FBLN1: variants seen among roughly 807,000 people sequenced by gnomAD.
FBLN1 encodes fibulin-1.
A neutral mutation model predicts 89.7 loss-of-function variants in FBLN1; 34 were observed. The observed-to-expected ratio is 0.38, with a 90% CI of 0.29 to 0.50. FBLN1 has a LOEUF of 0.50. Ranked by LOEUF, FBLN1 falls within the 20% of genes least tolerant of loss-of-function variation. The pLI is 0.92. For synonymous variants in FBLN1, 393 were observed against 391.3 expected, an observed-to-expected ratio of 1.00 and a Z score of -0.05; for missense variants, 777 against 988.1, an observed-to-expected ratio of 0.79 and a Z score of 2.86.
chr22:45,542,111 C>G, intron 9 of FBLN1, 44 bp from the exon 10 acceptor site: 1 of 1,613,842 alleles, frequency 6.2e-7, no homozygotes, highest in Non-Finnish European at 8.5e-7. Flanking sequence ...GGGAAAAAAC[C>G]CAAACTAAAG....
chr22:45,542,049 T>C (rs2146981080), intron 9 of FBLN1, 106 bp from the exon 10 acceptor site: 1 of 1,532,552 alleles, frequency 6.5e-7, no homozygotes. Context: ...ATGGAATGCC[T>C]GTTTCCATGT....
Position 45,532,936 on chromosome 22 carries a change from C to A in FBLN1, c.545-127C>A. 1.2e-6 allele frequency: 1 copy of A among 815,552 alleles called. No homozygotes were observed. Among genetic ancestry groups the A allele is most frequent in the Non-Finnish European group, 2.0e-6 (1 of 493,300 alleles). 50.5% of individuals were successfully genotyped at this position (815,552 alleles called of 1,614,324 possible). A position where few individuals can be genotyped will look rare whatever the true frequency, so the allele number is the denominator to read the frequency against. ...AGTAGGGCAGCAGGTGGGCTCCAGC[C>A]AGGTCAGCCTGCCTTCCTGGGTTCG... On this transcript the variant is annotated intron_variant, in intron 5 of 16. Coordinates refer to ENST00000327858, the MANE Select transcript of FBLN1 (RefSeq NM_006486.3). The surrounding 1 kb of genome is among the most constrained non-coding windows in gnomAD (Gnocchi z 4.2).
At chr22:45,506,636 A>G (rs541583146) in intron 1 of FBLN1, among the ~76,000 whole-genome samples, 2 of 152,172 alleles carry the variant, frequency 1.3e-5, no homozygotes, top group Non-Finnish European at 2.9e-5. Flanking sequence ...TGTTCCTGGC[A>G]GGGGAAATGG....
chr22:45,582,362 C>G (rs146165428), intron 16 of FBLN1, among the ~76,000 whole-genome samples: 1 of 152,310 alleles, frequency 6.6e-6, no homozygotes, highest in African/African-American at 2.4e-5. Flanking sequence ...CTGGGCCAGC[C>G]CCTGATGAGG....
chr22:45,574,464 G>A lies in FBLN1; in HGVS notation c.1698-47G>A. 1.2e-6 allele frequency: 2 copies of A among 1,612,452 alleles called. No individual in the cohort carries two copies. On this transcript the variant is annotated intron_variant, in intron 14 of 16. Transcript: ENST00000327858. This position sits in a 1 kb window ranked among gnomAD's most constrained non-coding sequence, Gnocchi z 4.1. ...CTAGACCTCGGCCCCTGTGGGAGCT[G>A]CTGTCCCAGCTTCCCCGTCAGCCTC...
chr22:45,539,360 C>G (rs956349467), intron 8 of FBLN1, among the ~76,000 whole-genome samples: 10 of 151,640 alleles, frequency 6.6e-5, no homozygotes, highest in Admixed American at 3.3e-4. Flanking sequence ...ACAACCATGC[C>G]TGGCTAATTT....
chr22:45,503,201 A>G, intron 1 of FBLN1, 137 bp downstream of exon 1: 1 of 196,420 alleles, frequency 5.1e-6, no homozygotes. Context: ...GTCAGCGCCG[A>G]GGCCTCGGCG....
intron 16 of FBLN1, among the ~76,000 whole-genome samples, chr22:45,599,617 C>T (rs928515908): frequency 6.6e-6 from 1 of 152,114 alleles, no homozygotes; most frequent in African/African-American, 2.4e-5. Context: ...TTCTAGGCTC[C>T]CTTAAAACCT....
At position 45,545,807 on chromosome 22, in the gene FBLN1, C is replaced by T. The variant is rs2088619088; in HGVS notation, c.1322-1278C>T. Among the ~76,000 whole-genome samples, 1 of 152,138 alleles carries T rather than the reference C, an allele frequency of 6.6e-6. No homozygotes were observed. Among genetic ancestry groups the T allele is most frequent in the South Asian group, 2.1e-4 (1 of 4,824 alleles). On this transcript the variant is annotated intron_variant, in intron 11 of 16. Transcript: ENST00000327858. The surrounding 1 kb of genome is among the most constrained non-coding windows in gnomAD (Gnocchi z 5.9). ...CCAGCCACAATCTCTGTTGCAACCG[C>T]TGAACTCTGCTGTGGTAGCAGAGAA...
At chr22:45,525,876 G>T (rs114598308) in intron 3 of FBLN1, among the ~76,000 whole-genome samples, 198 bp downstream of exon 3, 3 of 152,210 alleles carry the variant, frequency 2.0e-5, no homozygotes, top group Admixed American at 1.3e-4. Context: ...CGTAAACCCC[G>T]GAGGACACCT....
chr22:45,560,508 C>T (rs907510242), intron 14 of FBLN1, among the ~76,000 whole-genome samples: 16 of 152,298 alleles, frequency 1.1e-4, no homozygotes, highest in African/African-American at 3.8e-4. Context: ...CCAGCTTGCT[C>T]ACAGTGGGCC....
At position 45,558,145 on chromosome 22, in the gene FBLN1, C is replaced by T. The variant is rs540886547; in HGVS notation, c.1697+7530C>T. The T allele has an allele frequency of 2.2e-5, 16 of 714,508 alleles. No homozygotes were observed. The Middle Eastern group carries it at 8.8e-4, about 39-fold the overall frequency. 44.3% of individuals were successfully genotyped at this position (714,508 alleles called of 1,614,324 possible). ...GAAGGCAAGTTGGCAGGAGTGGAGA[C>T]CACGGGCATTTGAGCCACTTCCTCA... On this transcript the variant is annotated intron_variant, in intron 14 of 16. Coordinates refer to ENST00000327858, the MANE Select transcript of FBLN1 (RefSeq NM_006486.3).
rs2088788071 is a variant in FBLN1 at position 45,556,350 on chromosome 22, A to T, written c.1697+5735A>T. On this transcript the variant is annotated intron_variant, in intron 14 of 16. Coordinates refer to ENST00000327858, the MANE Select transcript of FBLN1 (RefSeq NM_006486.3). The surrounding 1 kb of genome is among the most constrained non-coding windows in gnomAD (Gnocchi z 4.6). ...CGACAATTACAGTCCTCGTTTCTGCAACTGGTCACATGGCTCGTAGCTGGT... is the reference window on the plus strand; with the variant it reads ...CGACAATTACAGTCCTCGTTTCTGCTACTGGTCACATGGCTCGTAGCTGGT... 6.6e-6 allele frequency among the ~76,000 whole-genome samples: 1 copy of T among 152,212 alleles called. No homozygotes were observed. The highest frequency in any genetic ancestry group is 2.1e-4 in the South Asian group (1 of 4,830).
At chr22:45,526,402 T>A (rs1350594040) in intron 3 of FBLN1, among the ~76,000 whole-genome samples, 1 of 152,042 alleles carries the variant, frequency 6.6e-6, no homozygotes, top group African/African-American at 2.4e-5. Context: ...ACCCAAGGTG[T>A]CCAGGCCATC....
In FBLN1 at chr22:45,600,460, G is replaced by T. The variant is rs572588725; in HGVS notation, c.*14G>T. The T allele has an allele frequency of 5.2e-5, 84 of 1,614,056 alleles. 2 individuals carry two copies. The South Asian group carries it at 8.2e-4, about 16-fold the overall frequency. Reference sequence around the variant, plus strand: ...TACTGGTTCTGAGGGCTGGTCTGCCGCACAGCCGCAGGTGCACCTCCAGGC... The same window carrying T: ...TACTGGTTCTGAGGGCTGGTCTGCCTCACAGCCGCAGGTGCACCTCCAGGC... On this transcript the variant is annotated 3_prime_UTR_variant, in exon 17 of 17. Coordinates refer to ENST00000327858, the MANE Select transcript of FBLN1 (RefSeq NM_006486.3).
chr22:45,513,502 C>T lies in FBLN1; in HGVS notation c.80-5180C>T, dbSNP rs377652938. Among the ~76,000 whole-genome samples the T allele has an allele frequency of 1.6e-4, 25 of 152,208 alleles. 2 individuals carry two copies. The highest frequency in any genetic ancestry group is 4.6e-4 in the Admixed American group (7 of 15,282). ...TAGCTGGGATTACAGGCGTGAGCCACTGCGCCCGGCCCATTTTAACCATTT... is the reference window on the plus strand; with the variant it reads ...TAGCTGGGATTACAGGCGTGAGCCATTGCGCCCGGCCCATTTTAACCATTT... On this transcript the variant is annotated intron_variant, in intron 1 of 16. Coordinates refer to ENST00000327858, the MANE Select transcript of FBLN1 (RefSeq NM_006486.3).
At chr22:45,540,010 A>G (rs1468207401) in intron 8 of FBLN1, among the ~76,000 whole-genome samples, 1 of 152,100 alleles carries the variant, frequency 6.6e-6, no homozygotes, top group African/African-American at 2.4e-5. Context: ...CAACCACTCA[A>G]CTCTGCCTTT....
At position 45,550,413 on chromosome 22, in the gene FBLN1, G is replaced by GGCTCCT. The variant is rs2088686376; in HGVS notation, c.1574-79_1574-78insGCTCCT. On this transcript the variant is annotated intron_variant, in intron 13 of 16. Transcript: ENST00000327858. The surrounding 1 kb of genome is among the most constrained non-coding windows in gnomAD (Gnocchi z 8.4). ...CACCCCTAACCCTAGTTGATGGGAG[G>GGCTCCT]CCTGGGCTCCTCCGTCTCCAGATGG... 1.2e-6 allele frequency: 2 copies of GGCTCCT among 1,606,634 alleles called. No homozygotes were observed. The highest frequency in any genetic ancestry group is 2.7e-5 in the African/African-American group (2 of 74,832).
intron 3 of FBLN1, among the ~76,000 whole-genome samples, chr22:45,527,240 A>G (rs1392105018): frequency 6.6e-6 from 1 of 152,186 alleles, no homozygotes; most frequent in African/African-American, 2.4e-5. Context: ...TCTGGGACTC[A>G]GGTGTGAGGC....
Sources: allele counts gnomAD v4.1 joint callset (sites outside exome capture counted in the v4.1 genomes callset), GRCh38; gene constraint gnomAD v4.1.1; non-coding constraint Gnocchi (gnomAD v3.1); transcripts MANE v1.5; gene names NCBI Gene and HGNC (gene_info 2026-07-23, HGNC 2026-07-21).